Variants in PSMG2 observed in about 807,000 individuals in gnomAD.
PSMG2 encodes CD40 ligand-activated specific transcript 3.
A neutral mutation model predicts 31.5 loss-of-function variants in PSMG2; 21 were observed. The observed-to-expected ratio is 0.67, with a 90% CI of 0.47 to 0.96. The LOEUF (loss-of-function observed/expected upper bound fraction) is 0.96. Ranked by LOEUF, PSMG2 falls within the 40% of genes least tolerant of loss-of-function variation. The probability of loss-of-function intolerance (pLI) is 0.00; values close to 1 mark genes in which losing one functional copy is unlikely to be tolerated. For synonymous variants in PSMG2, 120 were observed against 110.4 expected (o/e 1.09, Z -0.54); for missense variants, 318 against 321.2 (o/e 0.99, Z 0.08).
exon 1 of PSMG2, chr18:12,658,753 C>T (rs2038634098): frequency 5.3e-6 from 2 of 378,280 alleles, no homozygotes; most frequent in African/African-American, 4.3e-5. Context: ...GAATACCTCC[C>T]TCTCCACTCC....
intron 1 of PSMG2, among the ~76,000 whole-genome samples, chr18:12,681,002 C>T (rs1289950109): frequency 1.3e-5 from 2 of 152,102 alleles, no homozygotes; most frequent in African/African-American, 4.8e-5. Flanking sequence ...AGTTCAAGAC[C>T]AGCCTGGCCA....
chr18:12,706,488 A>G (rs1568039961), intron 1 of PSMG2, 62 bp from the exon 2 acceptor site: 2 of 1,569,610 alleles, frequency 1.3e-6, no homozygotes, highest in Non-Finnish European at 1.7e-6. Context: ...CTCTGTTTCA[A>G]AAAATAAAAT....
At position 12,725,243 on chromosome 18, in the gene PSMG2, CT is replaced by C. The variant is rs376492311; in HGVS notation, c.703-193del. Among the ~76,000 whole-genome samples the C allele has an allele frequency of 1.9e-3, 288 of 152,140 alleles. 3 individuals carry two copies. Among genetic ancestry groups the C allele is most frequent in the East Asian group, 2.7e-3 (14 of 5,182 alleles). On this transcript the variant is annotated intron_variant, in intron 6 of 6. Transcript: ENST00000317615. ...TTCATCTACAGCCTTTCTGGCATAT[CT>C]TTATAATTTGGAACTTAAAGAAATT... is the stretch of plus-strand genomic sequence containing the variant.
intron 1 of PSMG2, chr18:12,695,341 T>TCAAAA: frequency 6.7e-7 from 1 of 1,492,922 alleles, no homozygotes; most frequent in Non-Finnish European, 9.3e-7. Flanking sequence ...CAGAAACTTT[T>TCAAAA]GATTCTGTGC....
intron 1 of PSMG2, among the ~76,000 whole-genome samples, chr18:12,676,281 T>TC (rs2039130184): frequency 7.2e-6 from 1 of 138,910 alleles, no homozygotes; most frequent in Non-Finnish European, 1.6e-5. Context: ...AGTAATTCCT[T>TC]TTTTTTTTTT....
At chr18:12,691,329 C>A in intron 1 of PSMG2, 1 of 1,418,650 alleles carries the variant, frequency 7.0e-7, no homozygotes, top group Non-Finnish European at 9.6e-7. Context: ...CAAATACAGG[C>A]ATAAAATTAT....
chr18:12,719,440 T>C (rs1381312920), intron 4 of PSMG2, among the ~76,000 whole-genome samples: 7 of 152,120 alleles, frequency 4.6e-5, no homozygotes, highest in Admixed American at 4.6e-4. Context: ...CAGGCTGGAG[T>C]GCAGTGGCAT....
At chr18:12,687,503 G>A (rs1485896750) in intron 1 of PSMG2, among the ~76,000 whole-genome samples, 1 of 150,234 alleles carries the variant, frequency 6.7e-6, no homozygotes, top group African/African-American at 2.5e-5. Context: ...GTCCAGGCTG[G>A]AGTGCAGTAG....
chr18:12,663,180 T>C (rs1364133437), intron 1 of PSMG2, among the ~76,000 whole-genome samples: 4 of 152,226 alleles, frequency 2.6e-5, no homozygotes, highest in Non-Finnish European at 5.9e-5. Flanking sequence ...AATACTCTTT[T>C]ATAGTCATAT....
At chr18:12,694,231 G>T (rs1000207842) in intron 1 of PSMG2, among the ~76,000 whole-genome samples, 3 of 152,210 alleles carry the variant, frequency 2.0e-5, no homozygotes, top group Admixed American at 2.0e-4. Context: ...AGGAAAAAAA[G>T]TTTAAAGAAA....
chr18:12,661,430 C>T (rs2038693711), intron 1 of PSMG2: 4 of 813,412 alleles, frequency 4.9e-6, no homozygotes, highest in Non-Finnish European at 5.9e-6. Flanking sequence ...GTTCTAGCAC[C>T]CCTGTGGAAT....
intron 5 of PSMG2, among the ~76,000 whole-genome samples, chr18:12,723,478 CAG>C (rs1349937998): frequency 2.0e-5 from 3 of 152,056 alleles, no homozygotes; most frequent in African/African-American, 4.8e-5. Context: ...TCATTTGCGA[CAG>C]AGTCTTGCTC....
intron 5 of PSMG2, among the ~76,000 whole-genome samples, chr18:12,721,477 C>T (rs1192360377): frequency 6.6e-6 from 1 of 152,162 alleles, no homozygotes; most frequent in Non-Finnish European, 1.5e-5. Context: ...TCCATCAGCA[C>T]TGTCTACTTC....
At chr18:12,701,300 C>G (rs1356910563), upstream of PSMG2, among the ~76,000 whole-genome samples, 4 of 152,182 alleles carry the variant, frequency 2.6e-5, no homozygotes, top group Non-Finnish European at 5.9e-5. Context: ...CACTGGTTAT[C>G]TGGCACCTTT....
chr18:12,699,918 G>GA (rs376808836), upstream of PSMG2: 15,023 of 1,496,506 alleles, frequency 0.01, 65 homozygotes, highest in Non-Finnish European at 0.011. Flanking sequence ...AGAAAGGCAG[G>GA]AAAAAAAAAT....
Position 12,725,492 on chromosome 18 carries a change from A to T in PSMG2, c.756A>T (p.Arg252Ser). ...ASRWKIPSSW[R>S]LLFGSGLPPA... The stretch of plus-strand genomic sequence containing the variant: ...GGTGGAAAATACCAAGTTCTTGGAG[A>T]TTACTCTTTGGCAGTGGTCTTCCCC... Residue 252 changes from arginine to serine, a missense_variant, in exon 7 of 7, where the codon AGA becomes AGT. Arg to Ser is a moderately radical substitution (Grantham distance 110). Coordinates refer to ENST00000317615, the MANE Select transcript of PSMG2 (RefSeq NM_020232.5). The T allele has an allele frequency of 6.2e-7, 1 of 1,607,738 alleles. No individual in the cohort carries two copies.
intron 3 of PSMG2, among the ~76,000 whole-genome samples, chr18:12,715,785 C>T (rs2040370674): frequency 1.3e-5 from 2 of 152,174 alleles, no homozygotes; most frequent in Non-Finnish European, 1.5e-5. Flanking sequence ...GGATTACAGG[C>T]GTGAGCCACT....
intron 1 of PSMG2, among the ~76,000 whole-genome samples, chr18:12,683,197 A>AG (rs2145029844): frequency 6.8e-6 from 1 of 147,528 alleles, no homozygotes; most frequent in East Asian, 2.0e-4. Flanking sequence ...AAAAAAAAAA[A>AG]AAAAAAAGCC....
At chr18:12,680,969 CG>C in intron 1 of PSMG2, 1 of 662,560 alleles carries the variant, frequency 1.5e-6, no homozygotes, top group East Asian at 3.1e-5. Flanking sequence ...GAGGCCAAGG[CG>C]GGTGGATCAC....
Sources: allele counts gnomAD v4.1 joint callset (sites outside exome capture counted in the v4.1 genomes callset), GRCh38; gene constraint gnomAD v4.1.1; transcripts MANE v1.5; gene names NCBI Gene and HGNC (gene_info 2026-07-23, HGNC 2026-07-21).